SLC7A2: variants seen among roughly 807,000 people sequenced by gnomAD.
The protein encoded by SLC7A2 is solute carrier family 7 member 2.
A neutral mutation model predicts 58.9 loss-of-function variants in SLC7A2; 48 were observed. That is an observed-to-expected ratio of 0.82 (90% CI 0.65 to 1.04). The LOEUF is 1.04. Ranked by LOEUF, SLC7A2 falls within the 50% of genes least tolerant of loss-of-function variation. SLC7A2 has a pLI of 0.00. For synonymous variants in SLC7A2, 363 were observed against 314.5 expected (o/e 1.15, Z -1.63); for missense variants, 1,029 against 818.8 (o/e 1.26, Z -3.13).
At chr8:17,515,926 A>G (rs1466432658) in intron 2 of SLC7A2, among the ~76,000 whole-genome samples, 1 of 151,998 alleles carries the variant, frequency 6.6e-6, no homozygotes, top group Non-Finnish European at 1.5e-5. Flanking sequence ...TATTAGGGAG[A>G]TTTGCATTTT....
At chr8:17,521,397 C>A (rs1287151557) in intron 2 of SLC7A2, among the ~76,000 whole-genome samples, 1 of 152,160 alleles carries the variant, frequency 6.6e-6, no homozygotes, top group Non-Finnish European at 1.5e-5. Flanking sequence ...ATGAATTTGG[C>A]AGGATTCTGA....
At chr8:17,527,411 T>G (rs1176640252) in intron 2 of SLC7A2, among the ~76,000 whole-genome samples, 1 of 152,186 alleles carries the variant, frequency 6.6e-6, no homozygotes, top group Non-Finnish European at 1.5e-5. Context: ...AATGAATAAA[T>G]ATAGACCTCG....
chr8:17,509,376 G>A (rs1174436950), intron 2 of SLC7A2, among the ~76,000 whole-genome samples: 1 of 151,990 alleles, frequency 6.6e-6, no homozygotes, highest in Non-Finnish European at 1.5e-5. Flanking sequence ...TGTGATCTTG[G>A]CTCATTGCAA....
intron 4 of SLC7A2, among the ~76,000 whole-genome samples, chr8:17,546,657 G>A (rs1168812222): frequency 1.3e-5 from 2 of 152,132 alleles, no homozygotes; most frequent in Non-Finnish European, 2.9e-5. Flanking sequence ...TGACCATACA[G>A]CTTTCCTTTA....
intron 2 of SLC7A2, among the ~76,000 whole-genome samples, chr8:17,532,911 A>G (rs966954152): frequency 2.0e-5 from 3 of 151,438 alleles, no homozygotes; most frequent in African/African-American, 7.3e-5. Context: ...TTGTTACCCC[A>G]AAACAAAACT....
At chr8:17,521,536 A>G (rs748599742) in intron 2 of SLC7A2, among the ~76,000 whole-genome samples, 35 of 152,322 alleles carry the variant, frequency 2.3e-4, no homozygotes, top group Admixed American at 3.3e-4. Context: ...CCATCCATCA[A>G]GTGCTTCTGG....
intron 5 of SLC7A2, among the ~76,000 whole-genome samples, chr8:17,549,419 A>G (rs951016844): frequency 2.6e-5 from 4 of 152,250 alleles, no homozygotes; most frequent in Non-Finnish European, 4.4e-5. Flanking sequence ...GTGTGAACCC[A>G]TGCAGCTGCT....
intron 2 of SLC7A2, among the ~76,000 whole-genome samples, chr8:17,531,164 T>A (rs548754769): frequency 6.6e-6 from 1 of 152,124 alleles, no homozygotes; most frequent in East Asian, 1.9e-4. Flanking sequence ...TGCATCTTAG[T>A]GCTGAAAGAC....
chr8:17,558,645 C>G (rs759356010), intron 9 of SLC7A2, among the ~76,000 whole-genome samples: 1 of 152,148 alleles, frequency 6.6e-6, no homozygotes, highest in East Asian at 1.9e-4. Context: ...TAATGTCTAA[C>G]GACACTTAAA....
rs770707036 is a variant in SLC7A2, at chr8:17,554,686, G to A, written c.1182G>A (p.Ser394=). Residue 394 remains serine (S), a synonymous_variant, in exon 8 of 13, where the codon TCG becomes TCA. Transcript: ENST00000494857. ...CACCAATAATTGCTACTTTATCATC[G>A]GGTGCAGTGGCAGGTGAGAGAGAGT... The part of the protein sequence containing the change: ...TKTPIIATLS[S]GAVAALMAFL... 1.4e-5 allele frequency: 23 copies of A among 1,610,352 alleles called. No individual in the cohort carries two copies. In the Middle Eastern group the frequency reaches 8.2e-4, roughly 58 times the overall value.
Position 17,558,278 on chromosome 8 carries a change from T to C in SLC7A2, c.1196-17T>C, listed in dbSNP as rs189493470. 891 of 1,577,650 alleles carry C rather than the reference T, an allele frequency of 5.6e-4. 3 individuals carry two copies. The African/African-American group carries it at 6.3e-3, about 11-fold the overall frequency. ...TCCTGGGCCGTTTACTTCACCGTTC[T>C]TTTCTTCTCCCCCTAGCTTTGATGG... On this transcript the variant is annotated splice_polypyrimidine_tract_variant and intron_variant, in intron 8 of 12. Coordinates refer to ENST00000494857, the MANE Select transcript of SLC7A2 (RefSeq NM_001370338.1).
chr8:17,556,615 A>ATT (rs11373033), intron 8 of SLC7A2, among the ~76,000 whole-genome samples: 2 of 148,076 alleles, frequency 1.4e-5, no homozygotes, highest in African/African-American at 2.5e-5. Flanking sequence ...GCAATGAAGA[A>ATT]TTTTTTTTTT....
At chr8:17,535,060 A>G (rs1028263834) in intron 2 of SLC7A2, among the ~76,000 whole-genome samples, 11 of 151,990 alleles carry the variant, frequency 7.2e-5, no homozygotes, top group African/African-American at 2.2e-4. Flanking sequence ...TCCCTTATTT[A>G]TGATACAGTC....
Position 17,548,794 on chromosome 8 carries a change from A to T in SLC7A2, c.649A>T (p.Asn217Tyr). 2.5e-6 allele frequency: 4 copies of T among 1,613,926 alleles called. No individual in the cohort carries two copies. Among genetic ancestry groups the T allele is most frequent in the Non-Finnish European group, 3.4e-6 (4 of 1,179,954 alleles). The change falls in exon 5 of 13, where the codon AAC becomes TAC. Residue 217 changes from asparagine to tyrosine, a missense_variant. Asn to Tyr is a moderately radical substitution (Grantham distance 143, BLOSUM62 -2). Transcript: ENST00000494857. ...TGGGTTTGTGAAAGGAAATGTGGCAAACTGGAAGATTAGTGAAGAGTTTCT... is the reference window on the plus strand; with the variant it reads ...TGGGTTTGTGAAAGGAAATGTGGCATACTGGAAGATTAGTGAAGAGTTTCT... ...VAGFVKGNVA[N>Y]WKISEEFLKN...
intron 2 of SLC7A2, among the ~76,000 whole-genome samples, chr8:17,534,774 T>C (rs1302921303): frequency 2.0e-5 from 3 of 152,096 alleles, no homozygotes; most frequent in Non-Finnish European, 4.4e-5. Flanking sequence ...ACATAATTTG[T>C]TGATTCTCTG....
At chr8:17,529,021 C>G (rs1451730083) in intron 2 of SLC7A2, among the ~76,000 whole-genome samples, 1 of 152,094 alleles carries the variant, frequency 6.6e-6, no homozygotes, top group African/African-American at 2.4e-5. Flanking sequence ...AAAGCATCCA[C>G]TAGAGTTTCA....
At chr8:17,502,391 T>C (rs1255019199) in intron 2 of SLC7A2, 89 bp downstream of exon 2, 1 of 152,168 alleles carries the variant, frequency 6.6e-6, no homozygotes, top group East Asian at 1.9e-4. Flanking sequence ...GATTTGTGCC[T>C]ATTCCATATT....
At chr8:17,560,230 C>T in intron 9 of SLC7A2, 98 bp from the exon 10 acceptor site, 2 of 813,124 alleles carry the variant, frequency 2.5e-6, no homozygotes, top group East Asian at 2.6e-5. Flanking sequence ...TACACACTAT[C>T]ACTCTGTATG....
At chr8:17,501,839 C>T (rs971569943) in intron 1 of SLC7A2, among the ~76,000 whole-genome samples, 4 of 150,514 alleles carry the variant, frequency 2.7e-5, no homozygotes, top group South Asian at 2.1e-4. Flanking sequence ...ATCGGGAAGG[C>T]GAGTGATGCG....
Sources: gnomAD v4.1 joint callset for allele counts (sites outside exome capture counted in the v4.1 genomes callset) on GRCh38, gnomAD v4.1.1 for gene constraint, MANE v1.5 for transcripts, NCBI Gene and HGNC (gene_info 2026-07-23, HGNC 2026-07-21) for gene names.